MARCHF1: variants seen among roughly 807,000 people sequenced by gnomAD.
MARCHF1 encodes E3 ubiquitin-protein ligase MARCHF1.
MARCHF1 carries 40 observed loss-of-function variants against 54.2 expected under a neutral mutation model. The ratio of observed to expected loss-of-function variants is 0.74; its 90% CI spans 0.57 to 0.96. The LOEUF (loss-of-function observed/expected upper bound fraction) is 0.96. Among genes scored for constraint, MARCHF1 ranks in the 40% least tolerant of loss-of-function variants. The probability of loss-of-function intolerance (pLI) is 0.00; values close to 1 mark genes in which losing one functional copy is unlikely to be tolerated. For synonymous variants in MARCHF1, 236 were observed against 236.3 expected (o/e 1.00, Z 0.01); for missense variants, 586 against 656.5 (o/e 0.89, Z 1.17).
At chr4:164,237,307 G>C (rs974556986) in intron 1 of MARCHF1, among the ~76,000 whole-genome samples, 4 of 152,088 alleles carry the variant, frequency 2.6e-5, no homozygotes, top group African/African-American at 9.7e-5. Flanking sequence ...CTTTGTCTAA[G>C]ATCTCAGTTA....
intron 5 of MARCHF1, among the ~76,000 whole-genome samples, chr4:163,696,918 G>C (rs1310654278): frequency 6.6e-6 from 1 of 152,096 alleles, no homozygotes; most frequent in East Asian, 1.9e-4. Context: ...ACCACACCCA[G>C]GTTCAGTGAC....
At chr4:163,979,798 T>G (rs1351896985) in intron 3 of MARCHF1, among the ~76,000 whole-genome samples, 1 of 152,122 alleles carries the variant, frequency 6.6e-6, no homozygotes, top group Non-Finnish European at 1.5e-5. Flanking sequence ...TTTCATGTGT[T>G]TTTTGGCTGC....
At chr4:163,776,060 T>A (rs1279994744) in intron 4 of MARCHF1, among the ~76,000 whole-genome samples, 2 of 152,128 alleles carry the variant, frequency 1.3e-5, no homozygotes, top group Non-Finnish European at 2.9e-5. Context: ...TATGAGGAGA[T>A]GGAGAGAAAA....
At chr4:164,232,286 A>G (rs1362246932) in intron 1 of MARCHF1, among the ~76,000 whole-genome samples, 3 of 152,310 alleles carry the variant, frequency 2.0e-5, no homozygotes, top group Non-Finnish European at 4.4e-5. Context: ...ATTACTAGAA[A>G]ACACTGCAAA....
At chr4:163,667,309 C>A (rs1279331149) in intron 5 of MARCHF1, among the ~76,000 whole-genome samples, 2 of 152,058 alleles carry the variant, frequency 1.3e-5, no homozygotes, top group African/African-American at 4.8e-5. Flanking sequence ...AACCAGATGA[C>A]CCACCAACAA....
At chr4:163,572,027 C>G (rs1739856564) in intron 8 of MARCHF1, among the ~76,000 whole-genome samples, 1 of 152,068 alleles carries the variant, frequency 6.6e-6, no homozygotes, top group Admixed American at 6.6e-5. Flanking sequence ...TTCGTTTTCT[C>G]TCTTCTATTT....
At chr4:164,243,760 A>C (rs1320197088) in intron 1 of MARCHF1, among the ~76,000 whole-genome samples, 2 of 152,248 alleles carry the variant, frequency 1.3e-5, no homozygotes, top group African/African-American at 4.8e-5. Flanking sequence ...AGGATGGAGG[A>C]AGATCCACCA....
chr4:164,000,206 C>T (rs1753159584), intron 2 of MARCHF1, among the ~76,000 whole-genome samples: 1 of 151,264 alleles, frequency 6.6e-6, no homozygotes, highest in African/African-American at 2.4e-5. Context: ...AATAAGTAGT[C>T]AATAGAGTAC....
chr4:163,660,343 A>G (rs1246675216), intron 5 of MARCHF1, among the ~76,000 whole-genome samples: 1 of 152,034 alleles, frequency 6.6e-6, no homozygotes, highest in Non-Finnish European at 1.5e-5. Context: ...CATAAGTGGG[A>G]GTTGAACAAT....
chr4:163,549,468 A>T (rs1739027658), intron 8 of MARCHF1, among the ~76,000 whole-genome samples: 1 of 151,920 alleles, frequency 6.6e-6, no homozygotes, highest in Admixed American at 6.6e-5. Flanking sequence ...ACACCACCAT[A>T]CTTTTCACCA....
At chr4:163,939,921 G>C (rs57281848) in intron 3 of MARCHF1, among the ~76,000 whole-genome samples, 2,812 of 152,252 alleles carry the variant, frequency 0.018, 47 homozygotes, top group South Asian at 0.046. Context: ...CTGAATGTTT[G>C]TTTCTCTCCA....
chr4:164,264,865 A>T (rs1437213923), intron 1 of MARCHF1, among the ~76,000 whole-genome samples: 1 of 151,282 alleles, frequency 6.6e-6, no homozygotes, highest in African/African-American at 2.4e-5. Context: ...GTTTACAGTG[A>T]GCCAAAATCA....
chr4:163,729,532 G>A (rs1015767137), intron 4 of MARCHF1, among the ~76,000 whole-genome samples: 1 of 151,958 alleles, frequency 6.6e-6, no homozygotes, highest in Non-Finnish European at 1.5e-5. Flanking sequence ...TTATTTAATA[G>A]ATACAAGCCT....
chr4:163,803,664 A>G (rs750900487), intron 4 of MARCHF1, among the ~76,000 whole-genome samples: 4 of 152,204 alleles, frequency 2.6e-5, no homozygotes, highest in Non-Finnish European at 5.9e-5. Flanking sequence ...ATTTTTACCT[A>G]GAGCTAAAGT....
At chr4:163,722,070 A>C (rs931474684) in intron 4 of MARCHF1, among the ~76,000 whole-genome samples, 46 of 152,042 alleles carry the variant, frequency 3.0e-4, no homozygotes, top group African/African-American at 1.1e-3. Context: ...GCCTTCTGCT[A>C]GCTTTTGAAT....
At chr4:163,545,505 T>G in intron 9 of MARCHF1, 91 bp downstream of exon 9, 2 of 1,258,828 alleles carry the variant, frequency 1.6e-6, no homozygotes, top group Non-Finnish European at 1.1e-6. Context: ...TCATACATGA[T>G]GAAGGCCTAA....
chr4:163,560,433 A>G (rs1311968927), intron 8 of MARCHF1, among the ~76,000 whole-genome samples: 1 of 152,196 alleles, frequency 6.6e-6, no homozygotes, highest in Admixed American at 6.5e-5. Flanking sequence ...TGGTAGCTGT[A>G]TAATATGTCT....
chr4:164,287,151 T>A (rs1455901982), intron 1 of MARCHF1, among the ~76,000 whole-genome samples: 1 of 148,884 alleles, frequency 6.7e-6, no homozygotes, highest in East Asian at 1.9e-4. Context: ...GAATTTTATG[T>A]TTTATATATA....
chr4:164,297,374 T>C (rs943041236), intron 1 of MARCHF1, among the ~76,000 whole-genome samples: 1 of 152,144 alleles, frequency 6.6e-6, no homozygotes, highest in Non-Finnish European at 1.5e-5. Context: ...ATAAGTCATG[T>C]TGAGAGCATG....
Sources: gnomAD v4.1 joint callset for allele counts (sites outside exome capture counted in the v4.1 genomes callset) on GRCh38, gnomAD v4.1.1 for gene constraint, MANE v1.5 for transcripts, NCBI Gene and HGNC (gene_info 2026-07-23, HGNC 2026-07-21) for gene names.